Variants in RPL28 observed in about 807,000 individuals in gnomAD.
The protein encoded by RPL28 is large ribosomal subunit protein eL28.
A neutral mutation model predicts 12.5 loss-of-function variants in RPL28; 4 were observed. The observed-to-expected ratio is 0.32, with a 90% CI of 0.16 to 0.73. RPL28 has a LOEUF of 0.73. Ranked by LOEUF, RPL28 falls within the 30% of genes least tolerant of loss-of-function variation. RPL28 has a pLI of 0.66. For synonymous variants in RPL28, 91 were observed against 72.5 expected (o/e 1.26, Z -1.30); for missense variants, 214 against 197.7 (o/e 1.08, Z -0.49).
At chr19:55,394,283 A>G (rs1442702112), downstream of RPL28, among the ~76,000 whole-genome samples, 4 of 152,034 alleles carry the variant, frequency 2.6e-5, no homozygotes, top group African/African-American at 9.7e-5. Context: ...AACAAACAAA[A>G]AGATAAAGGT....
At chr19:55,387,808 C>G (rs2089947398) in intron 3 of RPL28, 122 bp from the exon 4 acceptor site, 1 of 1,470,680 alleles carries the variant, frequency 6.8e-7, no homozygotes, top group Non-Finnish European at 8.9e-7. Flanking sequence ...CTGGCCTGCC[C>G]AGGCACCCGC....
downstream of RPL28, among the ~76,000 whole-genome samples, chr19:55,393,837 C>T (rs923660155): frequency 3.3e-5 from 5 of 151,678 alleles, no homozygotes; most frequent in South Asian, 2.1e-4. Context: ...TTAGTAGAGA[C>T]GGGGGTGTCA....
At chr19:55,393,631 GTT>G (rs890657595), downstream of RPL28, among the ~76,000 whole-genome samples, 7 of 114,598 alleles carry the variant, frequency 6.1e-5, no homozygotes, top group Admixed American at 9.0e-5. Flanking sequence ...TCACCAATTT[GTT>G]TTTTTTTTTT....
At chr19:55,395,348 C>G (rs1176835045), downstream of RPL28, among the ~76,000 whole-genome samples, 1 of 151,978 alleles carries the variant, frequency 6.6e-6, no homozygotes, top group African/African-American at 2.4e-5. Flanking sequence ...GTTGGCCAGG[C>G]TGGTCTTGAA....
intron 4 of RPL28, among the ~76,000 whole-genome samples, chr19:55,397,822 G>C (rs967770343): frequency 2.6e-5 from 4 of 151,514 alleles, no homozygotes; most frequent in African/African-American, 9.7e-5. Context: ...AGTTGAGCCC[G>C]GGAGTTTGAG....
At chr19:55,399,384 C>T (rs546734681) in intron 4 of RPL28, among the ~76,000 whole-genome samples, 2 of 152,192 alleles carry the variant, frequency 1.3e-5, no homozygotes, top group Admixed American at 6.5e-5. Context: ...CCAGGCTGGT[C>T]TTGAACTCCT....
In RPL28 at chr19:55,392,001, G is replaced by A. The variant is rs1289074464; in HGVS notation, c.*3669G>A. On this transcript the variant is annotated 3_prime_UTR_variant, in exon 5 of 5. Transcript: ENST00000344063. ...TGTCCTCAGCTGCATTTCCAGCCCA[G>A]GCTGTTTGGCGCTGCCCAGGAATGG... 8.9e-7 allele frequency: 1 copy of A among 1,122,304 alleles called. No homozygotes were observed. The highest frequency in any genetic ancestry group is 4.9e-5 in the East Asian group (1 of 20,328). The allele number at this position is 1,122,304 out of a possible 1,614,324, so 69.5% of individuals were successfully genotyped here.
intron 4 of RPL28, chr19:55,401,463 G>T (rs1437987468): frequency 6.2e-7 from 1 of 1,606,944 alleles, no homozygotes; most frequent in South Asian, 1.1e-5. Flanking sequence ...CCCGCTTCTT[G>T]TCCGTCTTTT....
rs114809676 is a variant in RPL28 at position 55,391,089 on chromosome 19, A to G, written c.*2757A>G. 1,320 of 458,284 alleles carry G rather than the reference A, an allele frequency of 2.9e-3. 22 individuals carry two copies. The highest frequency in any genetic ancestry group is 0.027 in the African/African-American group (1,254 of 47,198). The allele number at this position is 458,284 out of a possible 1,614,324, so 28.4% of individuals were successfully genotyped here. A position where few individuals can be genotyped will look rare whatever the true frequency, so the allele number is the denominator to read the frequency against. On this transcript the variant is annotated 3_prime_UTR_variant, in exon 5 of 5. Transcript: ENST00000344063. ...TTGTCACATACAGAAGGTCCCTGAT[A>G]AAGTTAGTAGCTGCCCTCATCAGAA...
downstream of RPL28, chr19:55,392,250 A>G (rs1041988129): frequency 9.4e-6 from 4 of 423,526 alleles, no homozygotes; most frequent in Non-Finnish European, 1.3e-5. Context: ...TTGTTTGTCT[A>G]AGAGACGGGG....
chr19:55,398,552 C>T (rs2090037551), intron 4 of RPL28, among the ~76,000 whole-genome samples: 1 of 152,206 alleles, frequency 6.6e-6, no homozygotes, highest in Non-Finnish European at 1.5e-5. Flanking sequence ...TTTCCAGTTA[C>T]TAATGATGTT....
At chr19:55,398,433 CTA>C (rs1239108027) in intron 4 of RPL28, among the ~76,000 whole-genome samples, 1 of 152,212 alleles carries the variant, frequency 6.6e-6, no homozygotes, top group Non-Finnish European at 1.5e-5. Context: ...CAACTGGAGT[CTA>C]TAGGAGTTCC....
rs944798742 is a variant in RPL28 at position 55,390,471 on chromosome 19, C to T, written c.*2139C>T. 3 of 985,356 alleles carry T rather than the reference C, an allele frequency of 3.0e-6. No individual in the cohort carries two copies. The African/African-American group carries it at 5.2e-5, about 17-fold the overall frequency. The allele number at this position is 985,356 out of a possible 1,614,324, so 61.0% of individuals were successfully genotyped here. On this transcript the variant is annotated 3_prime_UTR_variant, in exon 5 of 5. Coordinates refer to ENST00000344063, the MANE Select transcript of RPL28 (RefSeq NM_000991.5). Reference sequence around the variant, plus strand: ...CCACCTGCCTCAGCCTCCCAAAGTGCTGGCATTACAGGCGCTCGAGGCTTT... The same window carrying T: ...CCACCTGCCTCAGCCTCCCAAAGTGTTGGCATTACAGGCGCTCGAGGCTTT...
intron 3 of RPL28, chr19:55,387,441 G>A (rs757706456): frequency 2.1e-5 from 32 of 1,516,354 alleles, no homozygotes; most frequent in Admixed American, 4.3e-5. Context: ...TGGGGACCCC[G>A]TTCTGGGGAG....
intron 3 of RPL28, chr19:55,387,391 A>G: frequency 6.5e-7 from 1 of 1,550,378 alleles, no homozygotes; most frequent in East Asian, 2.4e-5. Flanking sequence ...CTCCTGTCTC[A>G]GGGACACGTA....
intron 4 of RPL28, chr19:55,401,886 C>G: frequency 1.0e-6 from 1 of 991,960 alleles, no homozygotes; most frequent in Non-Finnish European, 1.5e-6. Flanking sequence ...AGATCCAGGC[C>G]CCACCTATGC....
chr19:55,388,131 G>T (rs778415676), intron 4 of RPL28, 83 bp downstream of exon 4: 2 of 1,589,212 alleles, frequency 1.3e-6, no homozygotes, highest in African/African-American at 1.3e-5. Context: ...TGCAATATGG[G>T]CTGGAGAGGG....
At chr19:55,402,746 G>A (rs768230849) in intron 4 of RPL28, among the ~76,000 whole-genome samples, 3 of 152,160 alleles carry the variant, frequency 2.0e-5, no homozygotes, top group Non-Finnish European at 4.4e-5. Flanking sequence ...CTGGAGCTCG[G>A]TGCCAATGTC....
intron 4 of RPL28, among the ~76,000 whole-genome samples, chr19:55,402,386 G>A (rs1054619059): frequency 1.3e-5 from 2 of 152,262 alleles, no homozygotes; most frequent in African/African-American, 4.8e-5. Context: ...ACTGCTGGCT[G>A]AGGTGCACTT....
Sources: allele counts gnomAD v4.1 joint callset (sites outside exome capture counted in the v4.1 genomes callset), GRCh38; gene constraint gnomAD v4.1.1; transcripts MANE v1.5; gene names NCBI Gene and HGNC (gene_info 2026-07-23, HGNC 2026-07-21).